SNURF: variants seen among roughly 807,000 people sequenced by gnomAD.
SNURF encodes SNRPN upstream open reading frame.
SNURF carries 6 observed loss-of-function variants against 11.6 expected under a neutral mutation model. The observed-to-expected ratio is 0.52, with a 90% confidence interval of 0.28 to 1.02. The LOEUF is 1.02. Ranked by LOEUF, SNURF falls within the 50% of genes least tolerant of loss-of-function variation. The probability of loss-of-function intolerance (pLI) is 0.09; values close to 1 mark genes in which losing one functional copy is unlikely to be tolerated. For synonymous variants in SNURF, 29 were observed against 31.6 expected, an observed-to-expected ratio of 0.92 and a Z score of 0.27; for missense variants, 84 against 88.4, an observed-to-expected ratio of 0.95 and a Z score of 0.20.
rs770006588 is a variant in SNURF at position 24,962,216 on chromosome 15, AC to A, written c.110+8del. 3.2e-5 allele frequency: 52 copies of A among 1,610,908 alleles called. No individual in the cohort carries two copies. In the African/African-American group the frequency reaches 4.0e-4, roughly 12 times the overall value. On this transcript the variant is annotated splice_region_variant and intron_variant, in intron 2 of 2. Transcript: ENST00000577949. ...CCTCACTGAGCAACCAAGAGTGAGT[AC>A]AGACTGTGTTGGGAACAAATGCAAG...
At chr15:24,960,792 T>C (rs1291811548) in intron 1 of SNURF, among the ~76,000 whole-genome samples, 3 of 152,206 alleles carry the variant, frequency 2.0e-5, no homozygotes, top group Non-Finnish European at 2.9e-5. Context: ...AAAAAATACT[T>C]TTTTGAGGTG....
intron 1 of SNURF, among the ~76,000 whole-genome samples, chr15:24,957,085 C>G (rs1411463271): frequency 6.6e-6 from 1 of 152,004 alleles, no homozygotes; most frequent in African/African-American, 2.4e-5. Flanking sequence ...TTGTTAACCC[C>G]TTTTTTTTAA....
chr15:24,956,627 C>T (rs1250189617), intron 1 of SNURF, among the ~76,000 whole-genome samples: 2 of 152,198 alleles, frequency 1.3e-5, no homozygotes, highest in African/African-American at 4.8e-5. Flanking sequence ...CAGCTTTTGC[C>T]TGGAAGGAAT....
intron 2 of SNURF, among the ~76,000 whole-genome samples, chr15:24,964,243 G>T (rs1330724082): frequency 6.6e-6 from 1 of 152,084 alleles, no homozygotes; most frequent in East Asian, 1.9e-4. Context: ...AGTATTTTGT[G>T]TAATATAATT....
At chr15:24,959,770 C>T (rs1391960033) in intron 1 of SNURF, among the ~76,000 whole-genome samples, 4 of 152,052 alleles carry the variant, frequency 2.6e-5, no homozygotes, top group Admixed American at 6.6e-5. Context: ...TTTCTTCATT[C>T]GTAAGTTGAT....
intron 1 of SNURF, among the ~76,000 whole-genome samples, chr15:24,956,292 A>G (rs995679072): frequency 5.5e-5 from 8 of 146,744 alleles, no homozygotes; most frequent in Non-Finnish European, 7.5e-5. Context: ...CGTCACTGCC[A>G]TTGTGCAGCT....
At chr15:24,973,461 G>A (rs939287255), downstream of SNURF, among the ~76,000 whole-genome samples, 9 of 151,406 alleles carry the variant, frequency 5.9e-5, no homozygotes, top group African/African-American at 2.2e-4. Context: ...GCAGTGGCGC[G>A]ATCTCAGCTC....
At chr15:24,956,220 TTC>T (rs2062845445) in intron 1 of SNURF, among the ~76,000 whole-genome samples, 2 of 152,124 alleles carry the variant, frequency 1.3e-5, no homozygotes, top group Non-Finnish European at 2.9e-5. Flanking sequence ...TTTTCATTGT[TTC>T]TCTCTGTTGG....
chr15:24,968,573 C>T (rs1206995837), downstream of SNURF, among the ~76,000 whole-genome samples: 2 of 151,994 alleles, frequency 1.3e-5, no homozygotes, highest in Non-Finnish European at 2.9e-5. Flanking sequence ...AATTAGTATT[C>T]ATTGCTTTCG....
chr15:24,955,824 AGGCATGGCGGCGGTGGGCAT>A (rs2062758844), intron 1 of SNURF, among the ~76,000 whole-genome samples: 2 of 149,434 alleles, frequency 1.3e-5, no homozygotes, highest in Admixed American at 6.7e-5. Flanking sequence ...TGGCGGCGGT[AGGCATGGCGGCGGTGGGCAT>A]GGCATGGAGG....
chr15:24,956,297 G>A (rs1187602842), intron 1 of SNURF, among the ~76,000 whole-genome samples: 1 of 147,336 alleles, frequency 6.8e-6, no homozygotes, highest in Non-Finnish European at 1.5e-5. Flanking sequence ...CTGCCATTGT[G>A]CAGCTCCTTC....
chr15:24,972,478 C>G (rs1383996911), downstream of SNURF, among the ~76,000 whole-genome samples: 5 of 150,352 alleles, frequency 3.3e-5, no homozygotes, highest in African/African-American at 1.2e-4. Context: ...TTATTTAATA[C>G]ATTTTTTAAT....
chr15:24,977,895 G>A (rs374810704), downstream of SNURF: 11 of 1,577,042 alleles, frequency 7.0e-6, no homozygotes, highest in African/African-American at 1.4e-5. Flanking sequence ...CCCACCCGTC[G>A]GCAGAGCAAC....
intron 2 of SNURF, among the ~76,000 whole-genome samples, chr15:24,966,352 T>C (rs1266991416): frequency 1.3e-5 from 2 of 152,296 alleles, no homozygotes; most frequent in East Asian, 1.9e-4. Flanking sequence ...CACACAAATC[T>C]TCCCTGTCCT....
intron 1 of SNURF, among the ~76,000 whole-genome samples, chr15:24,957,583 C>T (rs2063134299): frequency 6.6e-6 from 1 of 152,160 alleles, no homozygotes; most frequent in Admixed American, 6.5e-5. Flanking sequence ...CATTTTCCCT[C>T]TATCATAACT....
chr15:24,962,052 C>G, intron 1 of SNURF, 62 bp from the exon 2 acceptor site: 1 of 1,320,550 alleles, frequency 7.6e-7, no homozygotes. Context: ...ATAACCTTGA[C>G]AAATAGTTAT....
chr15:24,974,804 C>A (rs142305213), intron 3 of SNURF: 1 of 642,740 alleles, frequency 1.6e-6, no homozygotes, highest in Non-Finnish European at 2.8e-6. Context: ...GGTGATCCAC[C>A]CACCTCGGCC....
At chr15:24,962,194 C>T in exon 2 of SNURF, 6 of 1,613,998 alleles carry the variant, frequency 3.7e-6, no homozygotes, top group South Asian at 2.2e-5. Context: ...AGGACTGCCT[C>T]ACTGAGCAAC....
chr15:24,978,179 A>G (rs2153721531), downstream of SNURF: 2 of 1,609,146 alleles, frequency 1.2e-6, no homozygotes, highest in South Asian at 1.1e-5. Flanking sequence ...TATTTCTACC[A>G]TTTTTCACTG....
Sources: gnomAD v4.1 joint callset for allele counts (sites outside exome capture counted in the v4.1 genomes callset) on GRCh38, gnomAD v4.1.1 for gene constraint, MANE v1.5 for transcripts, NCBI Gene and HGNC (gene_info 2026-07-23, HGNC 2026-07-21) for gene names.